Variants in GZMM observed in about 807,000 individuals in gnomAD.
GZMM encodes HU-Met-1.
GZMM carries 23 observed loss-of-function variants against 19.2 expected under a neutral mutation model. The observed-to-expected ratio is 1.20, with a 90% CI of 0.86 to 1.69. GZMM has a LOEUF of 1.69. Among genes scored for constraint, GZMM ranks in the 40% most tolerant of loss-of-function variants. The probability of loss-of-function intolerance (pLI) is 0.00; values close to 1 mark genes in which losing one functional copy is unlikely to be tolerated. For missense variants in GZMM, 373 were observed against 352.2 expected (o/e 1.06, Z -0.47); for synonymous variants, 178 against 160.2 (o/e 1.11, Z -0.84).
At position 549,870 on chromosome 19, in the gene GZMM, C is replaced by T. The variant is rs538877467; in HGVS notation, c.*79C>T. The T allele has an allele frequency of 2.9e-4, 133 of 461,676 alleles. 1 individual carries two copies. The highest frequency in any genetic ancestry group is 1.5e-3 in the African/African-American group (73 of 49,036). The allele number at this position is 461,676 out of a possible 1,614,324, so 28.6% of individuals were successfully genotyped here. ...AGGGGTGCAGTGGGGTGGGTGAGGA[C>T]GGGTGGGAGGGACAGGGAGGGACCA... On this transcript the variant is annotated 3_prime_UTR_variant, in exon 5 of 5. Coordinates refer to ENST00000264553, the MANE Select transcript of GZMM (RefSeq NM_005317.4).
Position 549,111 on chromosome 19 carries a change from C to T in GZMM, c.538C>T (p.Arg180Cys), listed in dbSNP as rs770901654. Residue 180 changes from arginine (R) to cysteine (C), a missense_variant, in exon 4 of 5, where the codon CGC (arginine) becomes TGC (cysteine). Coordinates refer to ENST00000264553, the MANE Select transcript of GZMM (RefSeq NM_005317.4). Reference sequence around the variant, plus strand: ...GGACACCCGCATGTGTAACAACAGCCGCTTCTGGAACGGCAGCCTCTCCCC... The same window carrying T: ...GGACACCCGCATGTGTAACAACAGCTGCTTCTGGAACGGCAGCCTCTCCCC... ...VLDTRMCNNSRFWNGSLSPSM... is the reference protein window; with the variant it reads ...VLDTRMCNNSCFWNGSLSPSM... 13 of 1,582,800 alleles carry T rather than the reference C, an allele frequency of 8.2e-6. No homozygotes were observed. Among genetic ancestry groups the T allele is most frequent in the African/African-American group, 5.4e-5 (4 of 74,462 alleles).
intron 2 of GZMM, among the ~76,000 whole-genome samples, chr19:548,068 G>A (rs908461273): frequency 6.6e-6 from 1 of 152,200 alleles, no homozygotes; most frequent in African/African-American, 2.4e-5. Context: ...GAGCCCATCT[G>A]TCTCCCAGCT....
At chr19:545,233 G>GAGGGCA (rs1171669278) in intron 1 of GZMM, among the ~76,000 whole-genome samples, 2 of 152,140 alleles carry the variant, frequency 1.3e-5, no homozygotes, top group Non-Finnish European at 2.9e-5. Flanking sequence ...AGGAAACACG[G>GAGGGCA]AGGGCAAGAG....
At chr19:544,531 C>G (rs1390237368) in intron 1 of GZMM, among the ~76,000 whole-genome samples, 3 of 152,064 alleles carry the variant, frequency 2.0e-5, no homozygotes, top group Non-Finnish European at 4.4e-5. Context: ...GACTAGGTGC[C>G]CAGCAGTGAG....
intron 2 of GZMM, among the ~76,000 whole-genome samples, chr19:548,097 G>A (rs1178512131): frequency 1.3e-5 from 2 of 152,208 alleles, no homozygotes; most frequent in African/African-American, 2.4e-5. Context: ...CTACCAGGAA[G>A]CCTGTCTCAC....
rs1165530979 is a variant in GZMM, at chr19:549,815, C to T, written c.*24C>T. The T allele has an allele frequency of 6.6e-7, 1 of 1,522,378 alleles. No individual in the cohort carries two copies. Among genetic ancestry groups the T allele is most frequent in the Admixed American group, 1.7e-5 (1 of 57,428 alleles). 94.3% of individuals were successfully genotyped at this position (1,522,378 alleles called of 1,614,324 possible). A position where few individuals can be genotyped will look rare whatever the true frequency, so the allele number is the denominator to read the frequency against. Reference sequence around the variant, plus strand: ...GATGCCCTGGGGTGATGGGGACCCCCTCGCTGTCTCCACAGGACCCTTCCC... The same window carrying T: ...GATGCCCTGGGGTGATGGGGACCCCTTCGCTGTCTCCACAGGACCCTTCCC... On this transcript the variant is annotated 3_prime_UTR_variant, in exon 5 of 5. Coordinates refer to ENST00000264553, the MANE Select transcript of GZMM (RefSeq NM_005317.4).
At position 549,195 on chromosome 19, in the gene GZMM, G is replaced by C; in HGVS notation, c.612+10G>C. On this transcript the variant is annotated intron_variant, in intron 4 of 4. Coordinates refer to ENST00000264553, the MANE Select transcript of GZMM (RefSeq NM_005317.4). ...CCAGGCTCCCTGCAAGGTGAGGGGC[G>C]CCCGGGTGGGGCTGGGGGAATGAGG... The C allele has an allele frequency of 6.4e-7, 1 of 1,560,804 alleles. No homozygotes were observed. The highest frequency in any genetic ancestry group is 8.7e-7 in the Non-Finnish European group (1 of 1,152,170).
intron 4 of GZMM, 73 bp downstream of exon 4, chr19:549,258 GGTT>G: frequency 7.0e-7 from 1 of 1,422,392 alleles, no homozygotes; most frequent in Non-Finnish European, 9.5e-7. Flanking sequence ...CCGCCGGGCA[GGTT>G]CCTGGCTCTC....
chr19:549,263 C>A, intron 4 of GZMM, 78 bp downstream of exon 4: 1 of 1,393,380 alleles, frequency 7.2e-7, no homozygotes, highest in Non-Finnish European at 9.7e-7. Context: ...GGGCAGGTTC[C>A]TGGCTCTCCC....
rs773665762 is a variant in GZMM at position 549,812 on chromosome 19, C to T, written c.*21C>T. On this transcript the variant is annotated 3_prime_UTR_variant, in exon 5 of 5. Transcript: ENST00000264553. The stretch of plus-strand genomic sequence containing the variant: ...CCTGATGCCCTGGGGTGATGGGGAC[C>T]CCCTCGCTGTCTCCACAGGACCCTT... 6.2e-7 allele frequency: 1 copy of T among 1,602,716 alleles called. No individual in the cohort carries two copies. Among genetic ancestry groups the T allele is most frequent in the Non-Finnish European group, 8.5e-7 (1 of 1,175,912 alleles).
chr19:549,874 TGGG>T lies in GZMM; in HGVS notation c.*84_*86del. 4 of 458,538 alleles carry T rather than the reference TGGG, an allele frequency of 8.7e-6. No homozygotes were observed. The highest frequency in any genetic ancestry group is 8.7e-6 in the Non-Finnish European group (2 of 230,626). The allele number at this position is 458,538 out of a possible 1,614,324, so 28.4% of individuals were successfully genotyped here. A position where few individuals can be genotyped will look rare whatever the true frequency, so the allele number is the denominator to read the frequency against. ...GTGCAGTGGGGTGGGTGAGGACGGGTGGGAGGGACAGGGAGGGACCAATAAATC... is the reference window on the plus strand; with the variant it reads ...GTGCAGTGGGGTGGGTGAGGACGGGTAGGGACAGGGAGGGACCAATAAATC... On this transcript the variant is annotated 3_prime_UTR_variant, in exon 5 of 5. Coordinates refer to ENST00000264553, the MANE Select transcript of GZMM (RefSeq NM_005317.4).
At chr19:546,643 GC>G (rs1312892481) in intron 1 of GZMM, among the ~76,000 whole-genome samples, 1 of 151,184 alleles carries the variant, frequency 6.6e-6, no homozygotes, top group Non-Finnish European at 1.5e-5. Context: ...TTCGAGACCA[GC>G]CTGGCTAACA....
chr19:548,464 C>G, intron 2 of GZMM, 78 bp from the exon 3 acceptor site: 1 of 1,439,632 alleles, frequency 6.9e-7, no homozygotes, highest in Non-Finnish European at 9.6e-7. Context: ...ACAACGGGCA[C>G]AGTGGGGGCC....
At position 549,759 on chromosome 19, in the gene GZMM, T is replaced by C; in HGVS notation, c.742T>C (p.Trp248Arg). The C allele has an allele frequency of 6.2e-7, 1 of 1,613,200 alleles. No homozygotes were observed. Among genetic ancestry groups the C allele is most frequent in the Non-Finnish European group, 8.5e-7 (1 of 1,179,774 alleles). ...CACCGCTGTGGCGCCTTACGTGTCC[T>C]GGATCAGGAAGGTCACCGGCCGATC... Reference protein sequence around the residue: ...VATAVAPYVSWIRKVTGRSA With the variant: ...VATAVAPYVSRIRKVTGRSA Residue 248 changes from tryptophan (W) to arginine (R), a missense_variant, in exon 5 of 5, where the codon TGG becomes CGG. Transcript: ENST00000264553.
At chr19:548,484 T>A (rs1341490856) in intron 2 of GZMM, 58 bp from the exon 3 acceptor site, 1 of 1,572,200 alleles carries the variant, frequency 6.4e-7, no homozygotes, top group African/African-American at 1.3e-5. Context: ...CGGGACTGCA[T>A]GTGGCGGGTC....
intron 1 of GZMM, among the ~76,000 whole-genome samples, chr19:545,801 G>A (rs139964648): frequency 0.012 from 1,872 of 151,924 alleles, 44 homozygotes; most frequent in African/African-American, 0.043. Flanking sequence ...CCGCCACCTC[G>A]CCCGGCTAAT....
chr19:547,310 G>T lies in GZMM; in HGVS notation c.86G>T (p.Gly29Val), dbSNP rs755458400. The T allele has an allele frequency of 6.4e-7, 1 of 1,567,114 alleles. No homozygotes were observed. The highest frequency in any genetic ancestry group is 8.6e-7 in the Non-Finnish European group (1 of 1,157,576). Residue 29 changes from glycine (G) to valine (V), a missense_variant, in exon 2 of 5, where the codon GGC (glycine) becomes GTC (valine). Transcript: ENST00000264553. ...GSSFGTQIIGGREVIPHSRPY... is the reference protein window; with the variant it reads ...GSSFGTQIIGVREVIPHSRPY... Reference sequence around the variant, plus strand: ...TCCTTTGGGACCCAGATCATCGGGGGCCGGGAGGTGATCCCCCACTCGCGC... The same window carrying T: ...TCCTTTGGGACCCAGATCATCGGGGTCCGGGAGGTGATCCCCCACTCGCGC...
At chr19:544,967 C>CTCCTTCCCTCCACCCGTCA (rs1205492073) in intron 1 of GZMM, among the ~76,000 whole-genome samples, 11 of 150,864 alleles carry the variant, frequency 7.3e-5, no homozygotes, top group African/African-American at 2.7e-4. Context: ...TTCAACCTCC[C>CTCCTTCCCTCCACCCGTCA]TCCTTCCCTC....
rs1186271962 is a variant in GZMM, at chr19:548,694, C to G, written c.348+17C>G. 1.2e-6 allele frequency: 2 copies of G among 1,611,228 alleles called. No individual in the cohort carries two copies. Among genetic ancestry groups the G allele is most frequent in the Admixed American group, 3.3e-5 (2 of 59,954 alleles). On this transcript the variant is annotated intron_variant, in intron 3 of 4. Transcript: ENST00000264553. ...CTGCTTCAGGTGTGCAGGGACGGGA[C>G]AGGGAGAACTGGGCACCCTCCTGTC...
Sources: allele counts gnomAD v4.1 joint callset (sites outside exome capture counted in the v4.1 genomes callset), GRCh38; gene constraint gnomAD v4.1.1; transcripts MANE v1.5; gene names NCBI Gene and HGNC (gene_info 2026-07-23, HGNC 2026-07-21).